Variants in UNC79 observed in about 807,000 individuals in gnomAD.
UNC79 encodes unc-79 subunit of NALCN channel complex, also known as protein unc-79 homolog.
UNC79 carries 37 observed loss-of-function variants against 283.1 expected under a neutral mutation model. That is an observed-to-expected ratio of 0.13 (90% CI 0.10 to 0.17). UNC79 has a LOEUF of 0.17. Among genes scored for constraint, UNC79 ranks in the 10% least tolerant of loss-of-function variants. The pLI is 1.00. For missense variants in UNC79, 2,272 were observed against 3,211.1 expected, an observed-to-expected ratio of 0.71 and a Z score of 7.07; for synonymous variants, 1,107 against 1,200.2, an observed-to-expected ratio of 0.92 and a Z score of 1.61.
chr14:93,637,324 G>T (rs370685845), intron 32 of UNC79, 25 bp downstream of exon 35: 12 of 1,611,510 alleles, frequency 7.4e-6, no homozygotes, highest in African/African-American at 1.3e-5. Flanking sequence ...AGAGTCTCTG[G>T]CTGTAAAAGC....
intron 4 of UNC79, among the ~76,000 whole-genome samples, chr14:93,484,917 G>A (rs2058335455): frequency 6.6e-6 from 1 of 152,134 alleles, no homozygotes; most frequent in Non-Finnish European, 1.5e-5. Flanking sequence ...TCATTCTTGA[G>A]GGAGAGTATG....
In UNC79 at chr14:93,493,891, A is replaced by T. The variant is rs1487545284; in HGVS notation, c.713-2520A>T. ...AAGTGCCACATATATATATATATAT[A>T]TATATATATATTTTTTTTTTTTTTT... On this transcript the variant is annotated intron_variant, in intron 5 of 48. Transcript: ENST00000555664. Among the ~76,000 whole-genome samples, 63 of 64,184 alleles carry T rather than the reference A, an allele frequency of 9.8e-4. 3 individuals carry two copies. The highest frequency in any genetic ancestry group is 3.2e-3 in the South Asian group (5 of 1,546). The allele number at this position is 64,184 out of a possible 152,430, so 42.1% of individuals were successfully genotyped here. A position where few individuals can be genotyped will look rare whatever the true frequency, so the allele number is the denominator to read the frequency against.
chr14:93,346,652 A>C (rs1433530303), intron 1 of UNC79, among the ~76,000 whole-genome samples: 2 of 150,912 alleles, frequency 1.3e-5, no homozygotes, highest in Non-Finnish European at 2.9e-5. Context: ...ATTTTATGGA[A>C]GATTTAATTT....
chr14:93,412,776 A>C (rs2055360888), intron 1 of UNC79, among the ~76,000 whole-genome samples: 1 of 152,092 alleles, frequency 6.6e-6, no homozygotes, highest in Non-Finnish European at 1.5e-5. Context: ...TATATCCTAG[A>C]ATAGTATATC....
At chr14:93,588,765 A>AAG (rs1302035970) in intron 22 of UNC79, among the ~76,000 whole-genome samples, 49 of 150,746 alleles carry the variant, frequency 3.3e-4, no homozygotes, top group African/African-American at 1.0e-3. Context: ...AAAAAAAAAA[A>AAG]AGAGAGAGAA....
At chr14:93,337,143 G>A (rs770064425) in intron 1 of UNC79, among the ~76,000 whole-genome samples, 3 of 152,098 alleles carry the variant, frequency 2.0e-5, no homozygotes, top group Non-Finnish European at 4.4e-5. Context: ...TTCCAGGCCC[G>A]CCCACAGACC....
intron 3 of UNC79, among the ~76,000 whole-genome samples, chr14:93,475,431 C>T (rs959388997): frequency 2.0e-5 from 3 of 152,068 alleles, no homozygotes; most frequent in South Asian, 2.1e-4. Flanking sequence ...TAAAAATCTA[C>T]GGAGATAAAA....
chr14:93,582,066 G>A (rs2063859072), intron 19 of UNC79, 137 bp from the exon 20 acceptor site: 2 of 1,262,998 alleles, frequency 1.6e-6, no homozygotes, highest in Non-Finnish European at 1.1e-6. Flanking sequence ...TCTGGGGTGT[G>A]GTGCCTTGGC....
chr14:93,348,382 A>G (rs1669739448), intron 1 of UNC79: 1 of 380,650 alleles, frequency 2.6e-6, no homozygotes. Context: ...TTTTCTAAAC[A>G]TCGTGAAAGC....
intron 34 of UNC79, among the ~76,000 whole-genome samples, chr14:93,644,321 G>T (rs1179233644): frequency 2.6e-5 from 4 of 152,188 alleles, no homozygotes; most frequent in Non-Finnish European, 5.9e-5. Context: ...ATATTTCATG[G>T]ATATGAAGAA....
intron 7 of UNC79, among the ~76,000 whole-genome samples, chr14:93,510,277 A>G (rs2146509): frequency 0.31 from 46,777 of 152,070 alleles, 7,574 homozygotes; most frequent in East Asian, 0.65. Context: ...AATGCCTTCA[A>G]GAAATTTTCC....
In UNC79 at chr14:93,531,536, A is replaced by G. The variant is rs1385433620; in HGVS notation, c.1094-1014A>G. 6.6e-6 allele frequency among the ~76,000 whole-genome samples: 1 copy of G among 152,250 alleles called. No individual in the cohort carries two copies. Among genetic ancestry groups the G allele is most frequent in the Non-Finnish European group, 1.5e-5 (1 of 68,040 alleles). ...ATTCTTATGCATTCATTATGTAGACAGTAATTTGACAGTCTTGCTCCAACT... is the reference window on the plus strand; with the variant it reads ...ATTCTTATGCATTCATTATGTAGACGGTAATTTGACAGTCTTGCTCCAACT... On this transcript the variant is annotated intron_variant, in intron 10 of 48. Coordinates refer to ENST00000555664, the Ensembl canonical transcript of UNC79. This position sits in a 1 kb window ranked among gnomAD's most constrained non-coding sequence, Gnocchi z 4.2.
In UNC79 at chr14:93,430,645, C is replaced by G. The variant is rs1009136548; in HGVS notation, c.-385C>G. The G allele has an allele frequency of 5.6e-6, 1 of 177,804 alleles. No individual in the cohort carries two copies. Among genetic ancestry groups the G allele is most frequent in the African/African-American group, 2.4e-5 (1 of 42,520 alleles). The allele number at this position is 177,804 out of a possible 1,614,324, so 11.0% of individuals were successfully genotyped here. On this transcript the variant is annotated 5_prime_UTR_variant, in exon 1 of 49. Transcript: ENST00000555664. This position sits in a 1 kb window ranked among gnomAD's most constrained non-coding sequence, Gnocchi z 4.6. ...CTTTTCTCTGGGAAACACCCGTCCC[C>G]TCCGTGCGCCTTATGAATGGAAATA...
rs141623654 is a variant in UNC79, at chr14:93,462,838, G to A, written c.23-4833G>A. On this transcript the variant is annotated intron_variant, in intron 1 of 48. Coordinates refer to ENST00000555664, the Ensembl canonical transcript of UNC79. ...CTTTCTTGGGGGAAGGGAGACCTAA[G>A]AGTCAATGTCAGACATGTTTTCTTT... Among the ~76,000 whole-genome samples, 1,308 of 152,276 alleles carry A rather than the reference G, an allele frequency of 8.6e-3. 67 individuals are homozygous for A. Among genetic ancestry groups the A allele is most frequent in the Admixed American group, 0.078 (1,191 of 15,286 alleles).
intron 35 of UNC79, among the ~76,000 whole-genome samples, chr14:93,652,318 A>C (rs1181152720): frequency 6.6e-6 from 1 of 151,938 alleles, no homozygotes; most frequent in Non-Finnish European, 1.5e-5. Context: ...GCTGGAGTGC[A>C]GTGGCACCAT....
chr14:93,580,306 G>A, exon 19 of UNC79: 1 of 1,614,198 alleles, frequency 6.2e-7, no homozygotes, highest in South Asian at 1.1e-5. Flanking sequence ...TGTCAGTCTA[G>A]TATCCTCTGC....
intron 1 of UNC79, among the ~76,000 whole-genome samples, chr14:93,417,590 TCTC>T (rs1416873915): frequency 6.6e-6 from 1 of 152,226 alleles, no homozygotes; most frequent in Non-Finnish European, 1.5e-5. Context: ...TTGGGGAAGT[TCTC>T]CTGGATAATA....
At chr14:93,427,033 A>G (rs2055747069), upstream of UNC79, among the ~76,000 whole-genome samples, 2 of 152,174 alleles carry the variant, frequency 1.3e-5, no homozygotes, top group African/African-American at 2.4e-5. Context: ...AATGGGATAT[A>G]AACTATAAAC....
At chr14:93,368,723 CA>C (rs2054383988) in intron 1 of UNC79, among the ~76,000 whole-genome samples, 3 of 152,196 alleles carry the variant, frequency 2.0e-5, no homozygotes, top group African/African-American at 7.2e-5. Context: ...CCACCCGCCT[CA>C]GCCTTCCAAA....
Sources: allele counts gnomAD v4.1 joint callset (sites outside exome capture counted in the v4.1 genomes callset), GRCh38; gene constraint gnomAD v4.1.1; non-coding constraint Gnocchi (gnomAD v3.1); transcripts MANE v1.5; gene names NCBI Gene and HGNC (gene_info 2026-07-23, HGNC 2026-07-21).